GHR: variants seen among roughly 807,000 people sequenced by gnomAD.
The protein encoded by GHR is growth hormone receptor.
Under a neutral mutation model 67.1 loss-of-function variants are expected in GHR, and 35 were observed. The ratio of observed to expected loss-of-function variants is 0.52; its 90% CI spans 0.40 to 0.69. GHR has a LOEUF of 0.69. Among genes scored for constraint, GHR ranks in the 30% least tolerant of loss-of-function variants. The probability of loss-of-function intolerance (pLI) is 0.00; values close to 1 mark genes in which losing one functional copy is unlikely to be tolerated. For missense variants in GHR, 792 were observed against 764.6 expected, an observed-to-expected ratio of 1.04 and a Z score of -0.42; for synonymous variants, 272 against 269.1, an observed-to-expected ratio of 1.01 and a Z score of -0.10.
intron 1 of GHR, among the ~76,000 whole-genome samples, chr5:42,510,692 A>T (rs141027130): frequency 6.6e-6 from 1 of 152,212 alleles, no homozygotes; most frequent in Non-Finnish European, 1.5e-5. Flanking sequence ...AAATGCACAA[A>T]AACAGTAGCA....
intron 2 of GHR, among the ~76,000 whole-genome samples, chr5:42,600,918 C>CTTTTTTTTTTTTTTTTTT (rs933355797): frequency 3.0e-5 from 2 of 66,692 alleles, no homozygotes; most frequent in Non-Finnish European, 2.6e-5. Flanking sequence ...TCTTTCTATT[C>CTTTTTTTTTTTTTTTTTT]TTTTTTTTTT....
chr5:42,541,661 A>T (rs1422330570), intron 1 of GHR, among the ~76,000 whole-genome samples: 1 of 152,072 alleles, frequency 6.6e-6, no homozygotes, highest in East Asian at 1.9e-4. Flanking sequence ...CCATTAAGAA[A>T]CTGTTATAAT....
At chr5:42,538,279 G>T (rs1190440144) in intron 1 of GHR, among the ~76,000 whole-genome samples, 1 of 152,160 alleles carries the variant, frequency 6.6e-6, no homozygotes, top group African/African-American at 2.4e-5. Flanking sequence ...AGTCCTATGT[G>T]ATTTAGGCTT....
chr5:42,485,186 T>C (rs1745823535), intron 1 of GHR, among the ~76,000 whole-genome samples: 1 of 152,246 alleles, frequency 6.6e-6, no homozygotes, highest in South Asian at 2.1e-4. Flanking sequence ...CTTGCTGTTA[T>C]AAATTCACAC....
At chr5:42,639,328 T>C (rs1009502824) in intron 3 of GHR, among the ~76,000 whole-genome samples, 5 of 152,200 alleles carry the variant, frequency 3.3e-5, no homozygotes, top group African/African-American at 9.7e-5. Context: ...TTGTGCACTT[T>C]AAAGACTCAT....
intron 3 of GHR, among the ~76,000 whole-genome samples, chr5:42,657,339 T>C (rs1459367498): frequency 6.6e-6 from 1 of 152,152 alleles, no homozygotes; most frequent in East Asian, 1.9e-4. Context: ...AGAGTCTGTG[T>C]CTACATATAA....
intron 1 of GHR, among the ~76,000 whole-genome samples, chr5:42,493,295 T>C (rs1478332896): frequency 6.6e-6 from 1 of 152,162 alleles, no homozygotes; most frequent in Non-Finnish European, 1.5e-5. Flanking sequence ...TTTGGTATTA[T>C]CATATTATCA....
At chr5:42,493,457 A>G (rs1238624315) in intron 1 of GHR, among the ~76,000 whole-genome samples, 2 of 152,198 alleles carry the variant, frequency 1.3e-5, no homozygotes, top group African/African-American at 4.8e-5. Flanking sequence ...AAGTAGTTAT[A>G]TGGATACATG....
intron 3 of GHR, among the ~76,000 whole-genome samples, chr5:42,648,192 C>T (rs538217494): frequency 6.6e-6 from 1 of 152,312 alleles, no homozygotes; most frequent in South Asian, 2.1e-4. Flanking sequence ...TACACCCTAA[C>T]CATCACATGG....
chr5:42,582,811 C>T (rs562268329), intron 2 of GHR, among the ~76,000 whole-genome samples: 2 of 152,318 alleles, frequency 1.3e-5, no homozygotes, highest in East Asian at 1.9e-4. Context: ...AAGCCATTTG[C>T]GTACATCAGA....
At chr5:42,513,446 T>C (rs1345437114) in intron 1 of GHR, among the ~76,000 whole-genome samples, 1 of 152,192 alleles carries the variant, frequency 6.6e-6, no homozygotes, top group Admixed American at 6.5e-5. Flanking sequence ...ATAGATGAGA[T>C]GAAGCTTAAA....
At chr5:42,621,511 A>G (rs1221923422) in intron 2 of GHR, among the ~76,000 whole-genome samples, 2 of 152,156 alleles carry the variant, frequency 1.3e-5, no homozygotes, top group Non-Finnish European at 2.9e-5. Context: ...TGAAGCTTGA[A>G]GTTGTTAGGA....
At chr5:42,475,099 G>T (rs1428667284) in intron 1 of GHR, among the ~76,000 whole-genome samples, 3 of 152,000 alleles carry the variant, frequency 2.0e-5, no homozygotes, top group Non-Finnish European at 2.9e-5. Flanking sequence ...GGCCAGGCTT[G>T]TCTGGAACTC....
intron 1 of GHR, among the ~76,000 whole-genome samples, chr5:42,433,928 T>A (rs1743211149): frequency 6.6e-6 from 1 of 151,998 alleles, no homozygotes; most frequent in Admixed American, 6.6e-5. Flanking sequence ...GGTCGCTGCA[T>A]ATAGGCTCAT....
intron 1 of GHR, among the ~76,000 whole-genome samples, chr5:42,474,724 C>T (rs1438156849): frequency 6.6e-6 from 1 of 151,966 alleles, no homozygotes; most frequent in African/African-American, 2.4e-5. Flanking sequence ...AAACAGAATG[C>T]TTATACAAGA....
chr5:42,632,937 A>G (rs959209649), intron 3 of GHR, among the ~76,000 whole-genome samples: 3 of 152,192 alleles, frequency 2.0e-5, no homozygotes, highest in African/African-American at 4.8e-5. Context: ...AAAGCAAAAC[A>G]TTTTTAGTAT....
intron 3 of GHR, among the ~76,000 whole-genome samples, chr5:42,657,709 C>A (rs1755331600): frequency 6.6e-6 from 1 of 152,182 alleles, no homozygotes. Context: ...CTATGAAGTA[C>A]TATAAGTCTA....
intron 2 of GHR, among the ~76,000 whole-genome samples, chr5:42,604,935 T>C (rs1752554186): frequency 6.6e-6 from 1 of 152,046 alleles, no homozygotes; most frequent in African/African-American, 2.4e-5. Flanking sequence ...CTAGTTCTTT[T>C]GTTTGAAATA....
At chr5:42,433,769 G>A (rs1417617507) in intron 1 of GHR, among the ~76,000 whole-genome samples, 1 of 127,262 alleles carries the variant, frequency 7.9e-6, no homozygotes, top group Non-Finnish European at 1.6e-5. Flanking sequence ...TTAGGTAGAA[G>A]GGTTGGAGAG....
Sources: allele counts gnomAD v4.1 joint callset (sites outside exome capture counted in the v4.1 genomes callset), GRCh38; gene constraint gnomAD v4.1.1; transcripts MANE v1.5; gene names NCBI Gene and HGNC (gene_info 2026-07-23, HGNC 2026-07-21).